The following PLCB2 variants were observed in gnomAD, a reference collection of about 807,000 sequenced individuals.
The protein encoded by PLCB2 is 1-phosphatidylinositol 4,5-bisphosphate phosphodiesterase beta-2.
A neutral mutation model predicts 141.7 loss-of-function variants in PLCB2; 115 were observed. That is an observed-to-expected ratio of 0.81 (90% CI 0.70 to 0.95). PLCB2 has a LOEUF of 0.95. Among genes scored for constraint, PLCB2 ranks in the 40% least tolerant of loss-of-function variants. The pLI is 0.00. For synonymous variants in PLCB2, 603 were observed against 595.6 expected, an observed-to-expected ratio of 1.01 and a Z score of -0.18; for missense variants, 1,403 against 1,541.1, an observed-to-expected ratio of 0.91 and a Z score of 1.50.
At chr15:40,294,866 C>A (rs1277172526) in intron 18 of PLCB2, 70 bp downstream of exon 18, 3 of 1,598,842 alleles carry the variant, frequency 1.9e-6, no homozygotes, top group African/African-American at 2.7e-5. Flanking sequence ...TCCAAAGACC[C>A]CTCAAGGATG....
chr15:40,302,098 G>T, intron 6 of PLCB2, 38 bp downstream of exon 6: 1 of 1,612,902 alleles, frequency 6.2e-7, no homozygotes. Flanking sequence ...AGGCTTTGGG[G>T]AGCCCCTGGA....
Position 40,293,555 on chromosome 15 carries a change from C to T in PLCB2, c.2226+5G>A, listed in dbSNP as rs1452007448. ...GACTCTGCCCTGCCATGCCCTGGCC[C>T]CCACCTTCTCAAAGACAAAGGGCTC... On this transcript the variant is annotated splice_donor_5th_base_variant and intron_variant, in intron 20 of 31. Coordinates refer to ENST00000260402, the MANE Select transcript of PLCB2 (RefSeq NM_004573.3). 6.2e-7 allele frequency: 1 copy of T among 1,613,078 alleles called. No homozygotes were observed. The highest frequency in any genetic ancestry group is 1.7e-5 in the Admixed American group (1 of 60,006).
At chr15:40,290,359 C>T (rs2039821285) in intron 29 of PLCB2, among the ~76,000 whole-genome samples, 1 of 152,252 alleles carries the variant, frequency 6.6e-6, no homozygotes, top group African/African-American at 2.4e-5. Flanking sequence ...TCCCTCCCTG[C>T]AGGCTTGGCT....
At chr15:40,303,126 C>T (rs186061541) in intron 3 of PLCB2, among the ~76,000 whole-genome samples, 162 bp downstream of exon 3, 8 of 152,302 alleles carry the variant, frequency 5.3e-5, no homozygotes, top group African/African-American at 9.6e-5. Context: ...CAGGAGCTGC[C>T]GCTCCCCTTC....
chr15:40,298,797 C>A lies in PLCB2; in HGVS notation c.850+1G>T, dbSNP rs2040366228. ...GGACAAGGGGTTCCCTTAGTCCTCACCCCTCTGTGCATTGATGCCACTGGG... is the reference window on the plus strand; with the variant it reads ...GGACAAGGGGTTCCCTTAGTCCTCAACCCTCTGTGCATTGATGCCACTGGG... On this transcript the variant is annotated splice_donor_variant, in intron 9 of 31. Transcript: ENST00000260402. LOFTEE classifies it high-confidence loss of function. 5 of 1,612,366 alleles carry A rather than the reference C, an allele frequency of 3.1e-6. No homozygotes were observed. Among genetic ancestry groups the A allele is most frequent in the African/African-American group, 1.3e-5 (1 of 74,924 alleles).
Position 40,297,482 on chromosome 15 carries a change from G to T in PLCB2, c.1323+39C>A. 1 of 1,518,568 alleles carries T rather than the reference G, an allele frequency of 6.6e-7. No individual in the cohort carries two copies. The highest frequency in any genetic ancestry group is 9.2e-7 in the Non-Finnish European group (1 of 1,092,506). The allele number at this position is 1,518,568 out of a possible 1,614,324, so 94.1% of individuals were successfully genotyped here. ...GTTCTCACCCTGCCCCAGGTTCCCA[G>T]GCCCAAGGCTCAAATGTCCCACAGC... On this transcript the variant is annotated intron_variant, in intron 13 of 31. Transcript: ENST00000260402. The surrounding 1 kb of genome is among the most constrained non-coding windows in gnomAD (Gnocchi z 4.2).
intron 30 of PLCB2, 170 bp from the exon 31 acceptor site, chr15:40,289,528 G>C (rs2039736932): frequency 1.6e-6 from 1 of 621,500 alleles, no homozygotes; most frequent in East Asian, 2.8e-5. Flanking sequence ...TCACTGGACT[G>C]TAAAAGATTA....
chr15:40,300,916 A>G (rs534072700), intron 7 of PLCB2: 2 of 152,530 alleles, frequency 1.3e-5, no homozygotes, highest in East Asian at 3.9e-4. Context: ...TTCAGCTCCA[A>G]GCAAAGTTGG....
At position 40,298,269 on chromosome 15, in the gene PLCB2, G is replaced by A. The variant is rs1233231112; in HGVS notation, c.1109C>T (p.Pro370Leu). Residue 370 changes from proline to leucine, a missense_variant, in exon 11 of 32, where the codon CCC (proline) becomes CTC (leucine). Coordinates refer to ENST00000260402, the MANE Select transcript of PLCB2 (RefSeq NM_004573.3). ...CWKGKPPDEEPIITHGFTMTT... is the reference protein window; with the variant it reads ...CWKGKPPDEELIITHGFTMTT... Reference sequence around the variant, plus strand: ...CATGGTGAAGCCATGGGTGATAATGGGCTCCTCGTCAGGGGGTTTCCCCTT... The same window carrying A: ...CATGGTGAAGCCATGGGTGATAATGAGCTCCTCGTCAGGGGGTTTCCCCTT... The A allele has an allele frequency of 1.9e-6, 3 of 1,596,796 alleles. No homozygotes were observed. The highest frequency in any genetic ancestry group is 2.2e-5 in the South Asian group (2 of 89,118).
intron 20 of PLCB2, 129 bp downstream of exon 20, chr15:40,293,431 A>C: frequency 9.1e-6 from 8 of 877,290 alleles, no homozygotes; most frequent in Non-Finnish European, 1.4e-5. Context: ...TTGAAACAGG[A>C]GGGCCCAGGG....
chr15:40,291,416 T>A lies in PLCB2; in HGVS notation c.2719A>T (p.Lys907Ter). 6.5e-7 allele frequency: 1 copy of A among 1,538,106 alleles called. No individual in the cohort carries two copies. Among genetic ancestry groups the A allele is most frequent in the Non-Finnish European group, 8.7e-7 (1 of 1,147,396 alleles). Residue 907 changes from lysine (K) to a stop codon, truncating the protein, a stop_gained, in exon 26 of 32, where the codon AAG becomes TAG. Coordinates refer to ENST00000260402, the MANE Select transcript of PLCB2 (RefSeq NM_004573.3). LOFTEE classifies it high-confidence loss of function. ...CGCCGCTCCAACTCTCGCAGCTCCT[T>A]CTCGTGCCGCCGCTGCAGCTTCACC... Reference protein sequence around the residue: ...GVVKLQRRHEKELRELERRGA... With the variant: ...GVVKLQRRHE
chr15:40,289,964 AGAGAGTGTGT>A (rs2039790512), intron 30 of PLCB2, 51 bp downstream of exon 30: 1 of 592,418 alleles, frequency 1.7e-6, no homozygotes, highest in Non-Finnish European at 3.0e-6. Context: ...AGAGAGAGAG[AGAGAGTGTGT>A]GTGTGTGTGT....
downstream of PLCB2, chr15:40,285,536 C>G: frequency 1.0e-6 from 1 of 985,358 alleles, no homozygotes; most frequent in African/African-American, 1.7e-5. Context: ...GAGTGCAGCC[C>G]TCAAAGCTGC....
chr15:40,302,237 C>T (rs557067092), intron 5 of PLCB2, 33 bp downstream of exon 5: 57 of 1,613,844 alleles, frequency 3.5e-5, no homozygotes, highest in Non-Finnish European at 4.7e-5. Context: ...GCATGCTCAG[C>T]ACCAGGGCTC....
chr15:40,291,027 G>A lies in PLCB2; in HGVS notation c.3027C>T (p.His1009=). 6.3e-7 allele frequency: 1 copy of A among 1,593,032 alleles called. No individual in the cohort carries two copies. The highest frequency in any genetic ancestry group is 8.5e-7 in the Non-Finnish European group (1 of 1,177,486). The change falls in exon 27 of 32, where the codon CAC becomes CAT. Residue 1009 remains histidine, a synonymous_variant. Transcript: ENST00000260402. Reference sequence around the variant, plus strand: ...TGCCCCTCCCGGCCACCTCGGCCACGTGCTGCTCCTTGCGCTTCAGAACGC... The same window carrying A: ...TGCCCCTCCCGGCCACCTCGGCCACATGCTGCTCCTTGCGCTTCAGAACGC... ...YECVLKRKEQ[H]VAEQISKMME...
Position 40,294,364 on chromosome 15 carries a change from G to C in PLCB2, c.1963C>G (p.Leu655Val), listed in dbSNP as rs761974980. ...CGGCGCATGAACTCATGCTTGAGGA[G>C]GTAGCCGCTCTGCCCGTTGAACTCA... ...VFEFNGQSGY[L>V]LKHEFMRRPD... Residue 655 changes from leucine to valine, a missense_variant, in exon 19 of 32, where the codon CTC (leucine) becomes GTC (valine). Coordinates refer to ENST00000260402, the MANE Select transcript of PLCB2 (RefSeq NM_004573.3). 9.9e-6 allele frequency: 16 copies of C among 1,614,054 alleles called. No individual in the cohort carries two copies. The highest frequency in any genetic ancestry group is 1.4e-5 in the Non-Finnish European group (16 of 1,180,028).
chr15:40,292,853 C>T (rs1000208258), intron 21 of PLCB2, 73 bp downstream of exon 21: 1 of 966,558 alleles, frequency 1.0e-6, no homozygotes, highest in Non-Finnish European at 1.6e-6. Context: ...CAGGCCCCCT[C>T]CCAGAAGCTG....
intron 23 of PLCB2, 34 bp downstream of exon 23, chr15:40,292,030 G>A (rs747600887): frequency 4.4e-6 from 7 of 1,603,742 alleles, no homozygotes; most frequent in African/African-American, 4.0e-5. Flanking sequence ...CTAATCTCTG[G>A]TGAGCCCCTG....
chr15:40,290,218 C>A, intron 29 of PLCB2, 136 bp from the exon 30 acceptor site: 1 of 692,420 alleles, frequency 1.4e-6, no homozygotes, highest in Non-Finnish European at 2.7e-6. Context: ...GTGTGGGGAC[C>A]CAAGGAGTAT....
Sources: gnomAD v4.1 joint callset for allele counts (sites outside exome capture counted in the v4.1 genomes callset) on GRCh38, gnomAD v4.1.1 for gene constraint, Gnocchi (gnomAD v3.1) non-coding constraint, MANE v1.5 for transcripts, NCBI Gene and HGNC (gene_info 2026-07-23, HGNC 2026-07-21) for gene names.